The following GLDC variants were observed in gnomAD, a reference collection of about 807,000 sequenced individuals.
The protein encoded by GLDC is glycine decarboxylase.
GLDC carries 104 observed loss-of-function variants against 121.3 expected under a neutral mutation model. The ratio of observed to expected loss-of-function variants is 0.86; its 90% CI spans 0.73 to 1.01. GLDC has a LOEUF of 1.01. GLDC is among the 50% of genes least tolerant of loss of function. The probability of loss-of-function intolerance (pLI) is 0.00; values close to 1 mark genes in which losing one functional copy is unlikely to be tolerated. For synonymous variants in GLDC, 546 were observed against 480.6 expected, an observed-to-expected ratio of 1.14 and a Z score of -1.78; for missense variants, 1,429 against 1,306.6, an observed-to-expected ratio of 1.09 and a Z score of -1.44.
chr9:6,624,819 C>A (rs4351464), intron 2 of GLDC, among the ~76,000 whole-genome samples: 1 of 152,006 alleles, frequency 6.6e-6, no homozygotes, highest in Non-Finnish European at 1.5e-5. Flanking sequence ...GAAACCCTGT[C>A]TCTACTAAAA....
At chr9:6,533,350 A>G (rs531008299) in intron 24 of GLDC, among the ~76,000 whole-genome samples, 190 bp from the exon 25 acceptor site, 1 of 152,262 alleles carries the variant, frequency 6.6e-6, no homozygotes, top group East Asian at 1.9e-4. Context: ...GTCCCTGATC[A>G]CCACCCCTGT....
At chr9:6,644,583 T>A (rs746296412) in intron 2 of GLDC, 31 bp downstream of exon 2, 1 of 1,449,094 alleles carries the variant, frequency 6.9e-7, no homozygotes, top group South Asian at 1.1e-5. Context: ...CAGAATAATC[T>A]AAGTCCAAGG....
At chr9:6,580,392 G>A (rs1042808100) in intron 15 of GLDC, among the ~76,000 whole-genome samples, 1 of 152,168 alleles carries the variant, frequency 6.6e-6, no homozygotes, top group African/African-American at 2.4e-5. Flanking sequence ...CCAGAACCAG[G>A]GATTCCGCCC....
intron 15 of GLDC, among the ~76,000 whole-genome samples, chr9:6,579,532 TA>T (rs1396375525): frequency 6.6e-5 from 7 of 105,614 alleles, no homozygotes; most frequent in Admixed American, 9.6e-5. Flanking sequence ...ATAATTTTAT[TA>T]TTTTTTTTGT....
chr9:6,626,382 T>TA (rs770481122), intron 2 of GLDC, among the ~76,000 whole-genome samples: 1 of 151,928 alleles, frequency 6.6e-6, no homozygotes, highest in South Asian at 2.1e-4. Context: ...AGGATTGAAA[T>TA]AAAAAGATAA....
chr9:6,628,485 G>A (rs1819293247), intron 2 of GLDC, among the ~76,000 whole-genome samples: 3 of 152,146 alleles, frequency 2.0e-5, no homozygotes, highest in Non-Finnish European at 4.4e-5. Context: ...AGAAAAGGGG[G>A]AATCCATTAA....
chr9:6,554,364 CA>C (rs1428547509), intron 19 of GLDC, among the ~76,000 whole-genome samples: 1 of 152,140 alleles, frequency 6.6e-6, no homozygotes, highest in Non-Finnish European at 1.5e-5. Flanking sequence ...GCCAATATTC[CA>C]GTTACAATAC....
chr9:6,533,154 C>G lies in GLDC; in HGVS notation c.2926G>C (p.Val976Leu). Reference sequence around the variant, plus strand: ...GGCCAGAATTTGTTCTCTGGTTTCACGAAGGGCTGCAAAGGACAAAAGATG... The same window carrying G: ...GGCCAGAATTTGTTCTCTGGTTTCAGGAAGGGCTGCAAAGGACAAAAGATG... Reference protein sequence around the residue: ...REVAAFPLPFVKPENKFWPTI... With the variant: ...REVAAFPLPFLKPENKFWPTI... The change falls in exon 25 of 25, where the codon GTG (valine) becomes CTG (leucine). Residue 976 changes from valine (V) to leucine (L), a missense_variant. Transcript: ENST00000321612. The G allele has an allele frequency of 6.2e-7, 1 of 1,613,586 alleles. No homozygotes were observed. The highest frequency in any genetic ancestry group is 1.1e-5 in the South Asian group (1 of 91,052).
intron 2 of GLDC, chr9:6,639,455 C>G (rs1198330948): frequency 2.2e-6 from 2 of 908,892 alleles, no homozygotes; most frequent in Non-Finnish European, 3.6e-6. Context: ...TTAAAGTCAA[C>G]AAGCACCAGA....
chr9:6,581,373 C>T (rs1403500897), intron 15 of GLDC, among the ~76,000 whole-genome samples: 1 of 152,200 alleles, frequency 6.6e-6, no homozygotes, highest in Non-Finnish European at 1.5e-5. Flanking sequence ...CCCTGTCTCA[C>T]CTCTGTACTT....
intron 4 of GLDC, among the ~76,000 whole-genome samples, chr9:6,608,730 A>G (rs550546257): frequency 2.6e-5 from 4 of 152,236 alleles, no homozygotes; most frequent in South Asian, 2.1e-4. Flanking sequence ...CGGGCGAAAG[A>G]GCGAGACTCC....
intron 2 of GLDC, among the ~76,000 whole-genome samples, chr9:6,642,039 G>A (rs1336679999): frequency 6.6e-6 from 1 of 152,148 alleles, no homozygotes; most frequent in Non-Finnish European, 1.5e-5. Context: ...ACACCTCAGA[G>A]TCAAAATTCA....
intron 15 of GLDC, among the ~76,000 whole-genome samples, chr9:6,570,369 A>T (rs1285942556): frequency 6.6e-6 from 1 of 152,254 alleles, no homozygotes; most frequent in Non-Finnish European, 1.5e-5. Context: ...TGAATTACTA[A>T]ATATCTAGAT....
chr9:6,544,632 C>G (rs1182746196), intron 21 of GLDC, among the ~76,000 whole-genome samples: 1 of 61,812 alleles, frequency 1.6e-5, no homozygotes, highest in Non-Finnish European at 3.0e-5. Flanking sequence ...GAGCAAGACT[C>G]TGTCTCAAAA....
At chr9:6,553,609 G>A in intron 19 of GLDC, 100 bp from the exon 20 acceptor site, 1 of 1,173,774 alleles carries the variant, frequency 8.5e-7, no homozygotes, top group Non-Finnish European at 1.3e-6. Context: ...TCTTAGCAGA[G>A]GAGCTCTGAC....
intron 2 of GLDC, chr9:6,639,555 C>G (rs1053476682): frequency 1.3e-6 from 1 of 772,918 alleles, no homozygotes; most frequent in East Asian, 2.5e-5. Context: ...GGTATATGTT[C>G]GACTGGCTCC....
chr9:6,534,627 T>C (rs1037798187), intron 24 of GLDC, 81 bp downstream of exon 24: 7 of 760,674 alleles, frequency 9.2e-6, no homozygotes, highest in Non-Finnish European at 1.7e-5. Context: ...TCTGTAATCA[T>C]GAGGCTAAGA....
Position 6,643,277 on chromosome 9 carries a change from A to G in GLDC, c.334+1337T>C, listed in dbSNP as rs1419769481. Among the ~76,000 whole-genome samples the G allele has an allele frequency of 5.3e-5, 8 of 151,994 alleles. No individual in the cohort carries two copies. In the East Asian group the frequency reaches 1.5e-3, roughly 29 times the overall value. On this transcript the variant is annotated intron_variant, in intron 2 of 24. Coordinates refer to ENST00000321612, the MANE Select transcript of GLDC (RefSeq NM_000170.3). The stretch of plus-strand genomic sequence containing the variant: ...AAATCTCAATTAGTTCAATTCAGCA[A>G]AACATGCAGGTTTTCAACGACCATC...
chr9:6,630,198 G>A (rs1587979697), intron 2 of GLDC, among the ~76,000 whole-genome samples: 1 of 151,962 alleles, frequency 6.6e-6, no homozygotes, highest in East Asian at 1.9e-4. Flanking sequence ...GAACCCAGGA[G>A]GCGGAGCTTG....
Sources: allele counts gnomAD v4.1 joint callset (sites outside exome capture counted in the v4.1 genomes callset), GRCh38; gene constraint gnomAD v4.1.1; transcripts MANE v1.5; gene names NCBI Gene and HGNC (gene_info 2026-07-23, HGNC 2026-07-21).